The following DDX46 variants were observed in gnomAD, a reference collection of about 807,000 sequenced individuals.
The protein encoded by DDX46 is DEAD-box helicase 46.
Under a neutral mutation model 134.9 loss-of-function variants are expected in DDX46, and 30 were observed. That is an observed-to-expected ratio of 0.22 (90% CI 0.17 to 0.30). DDX46 has a LOEUF of 0.30. Among genes scored for constraint, DDX46 ranks in the 10% least tolerant of loss-of-function variants. DDX46 has a pLI of 1.00. For missense variants in DDX46, 622 were observed against 1,248.7 expected, an observed-to-expected ratio of 0.50 and a Z score of 7.56; for synonymous variants, 415 against 404.1, an observed-to-expected ratio of 1.03 and a Z score of -0.32.
chr5:134,777,763 C>G lies in DDX46; in HGVS notation c.765+38C>G, dbSNP rs139332323. On this transcript the variant is annotated intron_variant, in intron 6 of 22. Coordinates refer to ENST00000452510, the MANE Select transcript of DDX46 (RefSeq NM_001300860.2). ...TTATTTTTAAAGATTTCCGTTTCCT[C>G]TTGGGTAACTTGAGTTCTCCATTGC... The G allele has an allele frequency of 6.5e-3, 10,160 of 1,570,450 alleles. 41 individuals carry two copies. Among genetic ancestry groups the G allele is most frequent in the Middle Eastern group, 7.2e-3 (42 of 5,822 alleles).
At chr5:134,778,502 C>G (rs1287095241) in intron 6 of DDX46, among the ~76,000 whole-genome samples, 1 of 152,154 alleles carries the variant, frequency 6.6e-6, no homozygotes, top group African/African-American at 2.4e-5. Context: ...TATTCAGGCT[C>G]CCGCTACAAG....
rs371490093 is a variant in DDX46, at chr5:134,783,721, G to T, written c.1167-645G>T. ...TGTGCCACCATGCCTGGCTAATTTTGTATTTTTAGTAGAGACAGGGTTTCT... is the reference window on the plus strand; with the variant it reads ...TGTGCCACCATGCCTGGCTAATTTTTTATTTTTAGTAGAGACAGGGTTTCT... On this transcript the variant is annotated intron_variant, in intron 9 of 22. Coordinates refer to ENST00000452510, the MANE Select transcript of DDX46 (RefSeq NM_001300860.2). Among the ~76,000 whole-genome samples, 1,314 of 149,824 alleles carry T rather than the reference G, an allele frequency of 8.8e-3. 14 individuals carry two copies. Among genetic ancestry groups the T allele is most frequent in the African/African-American group, 0.03 (1,216 of 40,686 alleles).
intron 15 of DDX46, among the ~76,000 whole-genome samples, chr5:134,798,169 C>T (rs1264318848): frequency 6.6e-6 from 1 of 151,104 alleles, no homozygotes; most frequent in Non-Finnish European, 1.5e-5. Context: ...CCCCGCCCCC[C>T]ACCGTTTTTT....
intron 12 of DDX46, 144 bp from the exon 13 acceptor site, chr5:134,790,325 CT>C: frequency 1.5e-6 from 1 of 688,922 alleles, no homozygotes; most frequent in South Asian, 1.9e-5. Context: ...TTTCTTTTCA[CT>C]TTTTAAAGAT....
At chr5:134,781,289 G>C in intron 7 of DDX46, 43 bp downstream of exon 7, 2 of 1,454,694 alleles carry the variant, frequency 1.4e-6, no homozygotes, top group Non-Finnish European at 1.9e-6. Context: ...TACTATCCTG[G>C]AAGCATTTAT....
At chr5:134,763,418 G>A (rs1753458148) in intron 1 of DDX46, among the ~76,000 whole-genome samples, 1 of 152,060 alleles carries the variant, frequency 6.6e-6, no homozygotes, top group Non-Finnish European at 1.5e-5. Flanking sequence ...TTCAACACTA[G>A]CCACAACTGG....
In DDX46 at chr5:134,794,994, T is replaced by A; in HGVS notation, c.1771T>A (p.Ser591Thr). 2 of 1,614,118 alleles carry A rather than the reference T, an allele frequency of 1.2e-6. No individual in the cohort carries two copies. Among genetic ancestry groups the A allele is most frequent in the Non-Finnish European group, 1.7e-6 (2 of 1,179,998 alleles). Reference sequence around the variant, plus strand: ...AGTTGGAGGCAGGAGTGTGGTTTGCTCAGATGTGGAGCAACAAGTGGTGGG... The same window carrying A: ...AGTTGGAGGCAGGAGTGTGGTTTGCACAGATGTGGAGCAACAAGTGGTGGG... ...VQVGGRSVVCSDVEQQVIVIE... is the reference protein window; with the variant it reads ...VQVGGRSVVCTDVEQQVIVIE... The change falls in exon 14 of 23, where the codon TCA becomes ACA. Residue 591 changes from serine (S) to threonine (T), a missense_variant. Physicochemically the swap from Ser to Thr is moderately conservative, Grantham distance 58. Around this residue, in one of 8 missense-constraint regions of DDX46, gnomAD observed 209 missense variants for 508.4 expected, o/e 0.41. Transcript: ENST00000452510.
intron 15 of DDX46, among the ~76,000 whole-genome samples, chr5:134,800,679 G>T (rs1397242790): frequency 3.3e-5 from 5 of 151,960 alleles, no homozygotes; most frequent in African/African-American, 1.2e-4. Flanking sequence ...TTGTTTGTTT[G>T]TTTGTTTGTT....
chr5:134,797,193 A>C (rs1002285876), intron 15 of DDX46: 11 of 291,790 alleles, frequency 3.8e-5, no homozygotes, highest in East Asian at 1.2e-4. Context: ...AAAAAAAAAA[A>C]AAAACACAAA....
chr5:134,825,030 T>C (rs1244592290), intron 21 of DDX46, among the ~76,000 whole-genome samples: 1 of 152,200 alleles, frequency 6.6e-6, no homozygotes, highest in African/African-American at 2.4e-5. Context: ...CTTTTTTTCA[T>C]AGCTGCTTAT....
chr5:134,781,894 G>C, intron 7 of DDX46, 27 bp from the exon 8 acceptor site: 10 of 1,587,560 alleles, frequency 6.3e-6, no homozygotes, highest in African/African-American at 1.4e-5. Flanking sequence ...TGAACTTAGC[G>C]CTTTAATTTT....
chr5:134,812,497 G>C (rs558855316), intron 18 of DDX46, among the ~76,000 whole-genome samples: 88 of 121,066 alleles, frequency 7.3e-4, no homozygotes, highest in African/African-American at 2.2e-3. Flanking sequence ...TTGGAAATCA[G>C]AAATTCAACC....
intron 4 of DDX46, among the ~76,000 whole-genome samples, chr5:134,771,734 A>T (rs888080305): frequency 1.3e-5 from 2 of 151,952 alleles, no homozygotes; most frequent in Non-Finnish European, 2.9e-5. Context: ...CTATGCCAAC[A>T]AATTTTTTTC....
intron 15 of DDX46, among the ~76,000 whole-genome samples, chr5:134,796,892 C>T (rs1051192237): frequency 6.6e-6 from 1 of 150,620 alleles, no homozygotes; most frequent in African/African-American, 2.4e-5. Flanking sequence ...TGGCTCACAC[C>T]TGTAATCCCA....
rs1257736280 is a variant in DDX46 at position 134,803,891 on chromosome 5, A to G, written c.1955-3857A>G. On this transcript the variant is annotated intron_variant, in intron 15 of 22. Transcript: ENST00000452510. The stretch of plus-strand genomic sequence containing the variant: ...TGCGTAAGCCTCATTTCATAGGCAA[A>G]GAGAATGACAAGTGATGATGATTCT... Among the ~76,000 whole-genome samples the G allele has an allele frequency of 2.6e-5, 4 of 151,520 alleles. No individual in the cohort carries two copies. In the East Asian group the frequency reaches 5.8e-4, roughly 22 times the overall value.
intron 5 of DDX46, among the ~76,000 whole-genome samples, chr5:134,774,655 A>G (rs1753878586): frequency 6.6e-6 from 1 of 152,162 alleles, no homozygotes; most frequent in South Asian, 2.1e-4. Flanking sequence ...TAAGGAGAGT[A>G]AATTAAGGGC....
At chr5:134,803,272 G>A (rs1561868127) in intron 15 of DDX46, among the ~76,000 whole-genome samples, 1 of 152,040 alleles carries the variant, frequency 6.6e-6, no homozygotes, top group Non-Finnish European at 1.5e-5. Context: ...GGGATTACAG[G>A]TCTGAGCCAC....
At chr5:134,792,286 T>A (rs1188999567) in intron 13 of DDX46, among the ~76,000 whole-genome samples, 3 of 152,144 alleles carry the variant, frequency 2.0e-5, no homozygotes, top group African/African-American at 7.2e-5. Context: ...AGCATTGAAT[T>A]TATTTTTTTC....
intron 3 of DDX46, 89 bp downstream of exon 3, chr5:134,767,149 A>AT: frequency 6.9e-7 from 1 of 1,458,986 alleles, no homozygotes; most frequent in Non-Finnish European, 9.1e-7. Flanking sequence ...GTAAGTTTGT[A>AT]TTTATAGAGA....
Sources: allele counts gnomAD v4.1 joint callset (sites outside exome capture counted in the v4.1 genomes callset), GRCh38; gene constraint gnomAD v4.1.1; regional missense constraint gnomAD v4.1.1; transcripts MANE v1.5; gene names NCBI Gene and HGNC (gene_info 2026-07-23, HGNC 2026-07-21).